Variants in DCAF8L2 observed in about 807,000 individuals in gnomAD.
DCAF8L2 encodes the protein DDB1 and CUL4 associated factor 8 like 2.
For missense variants in DCAF8L2, 430 were observed against 490.7 expected, an observed-to-expected ratio of 0.88 and a Z score of 1.17; for synonymous variants, 200 against 190.9, an observed-to-expected ratio of 1.05 and a Z score of -0.39.
chrX:27,703,552 T>C (rs1442951370), intron 3 of DCAF8L2, among the ~76,000 whole-genome samples: 1 of 111,554 alleles, frequency 9.0e-6, no homozygotes, highest in Non-Finnish European at 1.9e-5. Context: ...TTTTGGTCAA[T>C]TGATTTTTGA....
the DCAF8L2 span, among the ~76,000 whole-genome samples, chrX:27,529,578 T>G: frequency 1.8e-5 from 2 of 111,555 alleles, no homozygotes; most frequent in Non-Finnish European, 3.8e-5. Context: ...GAAAAAAGTA[T>G]AGAAAATCCT....
intron 1 of DCAF8L2, among the ~76,000 whole-genome samples, chrX:27,591,012 T>TATATATATATAA (rs1311861515): frequency 1.1e-5 from 1 of 88,533 alleles, no homozygotes; most frequent in Non-Finnish European, 2.2e-5. Flanking sequence ...TATATATATA[T>TATATATATATAA]ATAAATAAAT....
chrX:27,611,156 A>T (rs1276681505), intron 1 of DCAF8L2, among the ~76,000 whole-genome samples: 1 of 111,188 alleles, frequency 9.0e-6, no homozygotes, highest in Non-Finnish European at 1.9e-5. Flanking sequence ...ATCACAACGG[A>T]GACAATAGTA....
chrX:27,629,823 A>T (rs1928210758), intron 1 of DCAF8L2, among the ~76,000 whole-genome samples: 1 of 111,133 alleles, frequency 9.0e-6, no homozygotes, highest in East Asian at 2.8e-4. Context: ...GAATTTTAGG[A>T]TTGTTTTCCT....
chrX:27,700,733 G>A (rs941232652), intron 3 of DCAF8L2, among the ~76,000 whole-genome samples: 2 of 111,455 alleles, frequency 1.8e-5, no homozygotes, highest in Non-Finnish European at 3.8e-5. Flanking sequence ...TTGTAGCCAA[G>A]ACCAACATTC....
At chrX:27,534,686 C>A in the DCAF8L2 span, among the ~76,000 whole-genome samples, 10 of 112,106 alleles carry the variant, frequency 8.9e-5, no homozygotes, top group South Asian at 3.7e-3. Flanking sequence ...CTTCTTCAGG[C>A]GATTTCGAAG....
At chrX:27,603,293 C>T (rs894626713) in intron 1 of DCAF8L2, among the ~76,000 whole-genome samples, 17 of 111,809 alleles carry the variant, frequency 1.5e-4, no homozygotes, top group African/African-American at 5.5e-4. Context: ...CTTCTGTGCT[C>T]ATTTTTGAGA....
At chrX:27,574,563 A>G in the DCAF8L2 span, among the ~76,000 whole-genome samples, 1 of 111,913 alleles carries the variant, frequency 8.9e-6, no homozygotes, top group Non-Finnish European at 1.9e-5. Context: ...ACTGTGATAC[A>G]TGTTTGTGGT....
At chrX:27,544,444 G>T in the DCAF8L2 span, among the ~76,000 whole-genome samples, 48,266 of 110,570 alleles carry the variant, frequency 0.44, 8,913 homozygotes, top group South Asian at 0.68. Flanking sequence ...AATAATATTA[G>T]ATCTTTCAAT....
At chrX:27,599,251 C>T (rs763901820) in intron 1 of DCAF8L2, among the ~76,000 whole-genome samples, 54 of 110,970 alleles carry the variant, frequency 4.9e-4, no homozygotes, top group African/African-American at 1.5e-3. Flanking sequence ...CTATGTTAAG[C>T]GAAATAAGAC....
At chrX:27,631,558 AT>A (rs958700612) in intron 1 of DCAF8L2, among the ~76,000 whole-genome samples, 2 of 112,125 alleles carry the variant, frequency 1.8e-5, no homozygotes, top group African/African-American at 6.5e-5. Flanking sequence ...GTTTTACTTA[AT>A]TTTCATTTAA....
At chrX:27,611,908 G>A (rs1927202465) in intron 1 of DCAF8L2, among the ~76,000 whole-genome samples, 2 of 111,360 alleles carry the variant, frequency 1.8e-5, no homozygotes, top group African/African-American at 3.3e-5. Context: ...AAACATACGT[G>A]TGCATGTTCT....
intron 1 of DCAF8L2, among the ~76,000 whole-genome samples, chrX:27,625,615 C>T (rs762979848): frequency 2.7e-5 from 3 of 112,047 alleles, no homozygotes; most frequent in South Asian, 3.7e-4. Context: ...AACCTAAATG[C>T]CCATTAACAG....
At chrX:27,538,959 C>T in the DCAF8L2 span, among the ~76,000 whole-genome samples, 1 of 112,258 alleles carries the variant, frequency 8.9e-6, no homozygotes, top group South Asian at 3.7e-4. Context: ...GAAATGTAAT[C>T]CTAATGTGTA....
Position 27,747,317 on chromosome X carries a change from AGGAGGAGGAG to A in DCAF8L2, c.424_433del (p.Glu142LysfsTer21), listed in dbSNP as rs1569201256. On this transcript the variant is annotated frameshift_variant, in exon 5 of 5. Transcript: ENST00000451261. LOFTEE classifies it low-confidence loss of function (END_TRUNC). ...GAGGAGGAGGAGGAGGAGGAGGAGG[AGGAGGAGGAG>A]GAAGAAGAACAGCCTCGGGCGGGTC... 13 of 1,141,187 alleles carry A rather than the reference AGGAGGAGGAG, an allele frequency of 1.1e-5. No individual in the cohort carries two copies. Among genetic ancestry groups the A allele is most frequent in the Admixed American group, 2.7e-5 (1 of 37,241 alleles). The allele number at this position is 1,141,187 out of a possible 1,213,427, so 94.0% of individuals were successfully genotyped here. A position where few individuals can be genotyped will look rare whatever the true frequency, so the allele number is the denominator to read the frequency against.
chrX:27,519,781 A>G, the DCAF8L2 span: 1 of 517,049 alleles, frequency 1.9e-6, no homozygotes, highest in Non-Finnish European at 3.5e-6. Context: ...GAGGCTTTTA[A>G]TCTGATTTTT....
At chrX:27,722,152 T>C (rs769498062) in intron 4 of DCAF8L2, among the ~76,000 whole-genome samples, 2 of 112,276 alleles carry the variant, frequency 1.8e-5, no homozygotes, top group Non-Finnish European at 3.8e-5. Context: ...ATTATTATGA[T>C]TGATCTCTAA....
intron 3 of DCAF8L2, among the ~76,000 whole-genome samples, chrX:27,682,300 A>C (rs1930357576): frequency 8.9e-6 from 1 of 111,900 alleles, no homozygotes; most frequent in Non-Finnish European, 1.9e-5. Context: ...CCAGACATTT[A>C]AAATAGTTTT....
chrX:27,492,080 A>G, the DCAF8L2 span, among the ~76,000 whole-genome samples: 8 of 112,563 alleles, frequency 7.1e-5, no homozygotes, highest in African/African-American at 2.6e-4. Flanking sequence ...GTTCTCACCT[A>G]TAGCCCAGCA....
Sources: allele counts gnomAD v4.1 joint callset (sites outside exome capture counted in the v4.1 genomes callset), GRCh38; gene constraint gnomAD v4.1.1; transcripts MANE v1.5; gene names NCBI Gene and HGNC (gene_info 2026-07-23, HGNC 2026-07-21).